SYNJ2: variants seen among roughly 807,000 people sequenced by gnomAD.
SYNJ2 encodes the protein polyphosphatidylinositol phosphatase SYNJ2.
In SYNJ2, 116 loss-of-function variants were observed where a neutral mutation model predicts 141.3. That is an observed-to-expected ratio of 0.82 (90% CI 0.71 to 0.96). The LOEUF (loss-of-function observed/expected upper bound fraction) is 0.96, where lower values mean the gene tolerates loss of function less well. Ranked by LOEUF, SYNJ2 falls within the 40% of genes least tolerant of loss-of-function variation. The pLI, the probability that SYNJ2 is intolerant of heterozygous loss-of-function variation, is 0.00. For synonymous variants in SYNJ2, 745 were observed against 777.7 expected, an observed-to-expected ratio of 0.96 and a Z score of 0.70; for missense variants, 1,873 against 1,934.8, an observed-to-expected ratio of 0.97 and a Z score of 0.60.
chr6:158,083,070 C>T (rs527254760), intron 20 of SYNJ2, among the ~76,000 whole-genome samples: 2 of 148,844 alleles, frequency 1.3e-5, no homozygotes, highest in East Asian at 3.9e-4. Context: ...GTAGCTGGGA[C>T]TACAGGCACT....
At chr6:158,009,862 C>T (rs956167008) in intron 1 of SYNJ2, among the ~76,000 whole-genome samples, 3 of 152,218 alleles carry the variant, frequency 2.0e-5, no homozygotes, top group Non-Finnish European at 2.9e-5. Context: ...ATGACTGGCA[C>T]CTGCAGCAGC....
chr6:158,020,516 C>A (rs1778711610), intron 2 of SYNJ2, among the ~76,000 whole-genome samples: 1 of 151,538 alleles, frequency 6.6e-6, no homozygotes, highest in African/African-American at 2.4e-5. Context: ...CTGTGTGACT[C>A]CAACTGTGTA....
Position 158,064,683 on chromosome 6 carries a change from G to A in SYNJ2, c.1292G>A (p.Trp431Ter). 5.6e-6 allele frequency: 9 copies of A among 1,614,074 alleles called. No individual in the cohort carries two copies. Among genetic ancestry groups the A allele is most frequent in the Non-Finnish European group, 7.6e-6 (9 of 1,180,014 alleles). Residue 431 changes from tryptophan to a stop codon, truncating the protein, a stop_gained, in exon 10 of 27, where the codon TGG becomes TAG. Coordinates refer to ENST00000355585, the MANE Select transcript of SYNJ2 (RefSeq NM_003898.4). LOFTEE classifies it high-confidence loss of function. The part of the protein sequence containing the change: ...DRFVESFKAM[W>*]SLNGHSLSKV... Reference sequence around the variant, plus strand: ...TTTGTGGAGTCCTTCAAAGCCATGTGGTCTCTGAATGGCCACAGCCTGAGC... The same window carrying A: ...TTTGTGGAGTCCTTCAAAGCCATGTAGTCTCTGAATGGCCACAGCCTGAGC...
chr6:158,022,966 C>T (rs1020165258), intron 2 of SYNJ2, among the ~76,000 whole-genome samples: 3 of 152,132 alleles, frequency 2.0e-5, no homozygotes, highest in African/African-American at 7.2e-5. Flanking sequence ...ACCCATAGTA[C>T]AGGCCAGGCA....
intron 2 of SYNJ2, 34 bp from the exon 3 acceptor site, chr6:158,028,722 G>C: frequency 1.2e-6 from 2 of 1,602,510 alleles, no homozygotes; most frequent in African/African-American, 2.7e-5. Context: ...GGCCGACTTC[G>C]ACCCTGAGCT....
chr6:158,018,329 G>A (rs1012722467), intron 2 of SYNJ2, among the ~76,000 whole-genome samples: 3 of 152,218 alleles, frequency 2.0e-5, no homozygotes, highest in Admixed American at 6.5e-5. Context: ...TGACCTGGCT[G>A]TGGACATCTC....
intron 1 of SYNJ2, among the ~76,000 whole-genome samples, chr6:157,995,289 G>A (rs1413313134): frequency 1.3e-5 from 2 of 152,178 alleles, no homozygotes; most frequent in Non-Finnish European, 2.9e-5. Flanking sequence ...TTAAGTTGCT[G>A]AGAGCGTCTC....
chr6:158,051,369 A>C (rs1478027499), intron 5 of SYNJ2, among the ~76,000 whole-genome samples: 1 of 151,684 alleles, frequency 6.6e-6, no homozygotes, highest in Non-Finnish European at 1.5e-5. Context: ...AGACCCGCTG[A>C]CTTCCCTCAG....
intron 20 of SYNJ2, among the ~76,000 whole-genome samples, chr6:158,082,367 A>G: frequency 6.7e-6 from 1 of 149,518 alleles, no homozygotes; most frequent in Non-Finnish European, 1.5e-5. Flanking sequence ...GGTGCCTGTA[A>G]TCCCAGCTAC....
rs778367066 is a variant in SYNJ2 at position 158,017,255 on chromosome 6, CG to C, written c.180del (p.Tyr61ThrfsTer7). ...GGACAGTATGGCAAGCTCACGGACG[CG>C]TACGGCTGCCTGGGGGAGCTGAGGC... Reference protein sequence around the residue: ...IKGQYGKLTDAYGCLGELRLK... With the variant: ...IKGQYGKLTDXYGCLGELRLK... On this transcript the variant is annotated frameshift_variant, in exon 2 of 27. Coordinates refer to ENST00000355585, the MANE Select transcript of SYNJ2 (RefSeq NM_003898.4). LOFTEE classifies it high-confidence loss of function. 8.8e-5 allele frequency: 142 copies of C among 1,613,806 alleles called. No individual in the cohort carries two copies. Among genetic ancestry groups the C allele is most frequent in the Non-Finnish European group, 1.2e-4 (136 of 1,179,950 alleles).
chr6:158,082,667 C>A (rs1782774369), intron 20 of SYNJ2, among the ~76,000 whole-genome samples: 1 of 151,932 alleles, frequency 6.6e-6, no homozygotes, highest in Admixed American at 6.6e-5. Context: ...CTCAAAAAAC[C>A]AAACAAACAG....
chr6:158,007,198 G>A (rs1370918483), intron 1 of SYNJ2, among the ~76,000 whole-genome samples: 3 of 151,522 alleles, frequency 2.0e-5, no homozygotes, highest in Non-Finnish European at 2.9e-5. Context: ...GAACTCCTGA[G>A]CTCAAGTGAT....
At chr6:158,092,530 C>T (rs1783529043) in intron 25 of SYNJ2, among the ~76,000 whole-genome samples, 1 of 152,162 alleles carries the variant, frequency 6.6e-6, no homozygotes, top group African/African-American at 2.4e-5. Context: ...GTCCCAGCTA[C>T]TTGGGAGGCT....
At chr6:158,093,472 C>T (rs1357999984) in intron 26 of SYNJ2, among the ~76,000 whole-genome samples, 7 of 151,398 alleles carry the variant, frequency 4.6e-5, no homozygotes, top group Non-Finnish European at 8.8e-5. Flanking sequence ...AACAGATTTG[C>T]GTCTCACAGA....
intron 14 of SYNJ2, 125 bp downstream of exon 14, chr6:158,069,798 T>C: frequency 1.7e-6 from 2 of 1,204,326 alleles, no homozygotes; most frequent in Non-Finnish European, 2.2e-6. Flanking sequence ...ACCATTATTT[T>C]AGATAAATGT....
intron 6 of SYNJ2, among the ~76,000 whole-genome samples, chr6:158,056,523 GCT>G (rs1264724749): frequency 6.6e-6 from 1 of 152,192 alleles, no homozygotes; most frequent in Non-Finnish European, 1.5e-5. Flanking sequence ...AGGTGCTGCT[GCT>G]CTCATGTTCA....
intron 12 of SYNJ2, 42 bp downstream of exon 12, chr6:158,066,677 C>G (rs1239353154): frequency 8.7e-6 from 14 of 1,602,122 alleles, no homozygotes; most frequent in Non-Finnish European, 1.2e-5. Flanking sequence ...CCAATTGCAC[C>G]TAACCTGACA....
chr6:158,071,632 C>A lies in SYNJ2; in HGVS notation c.1971C>A (p.Gly657=). Residue 657 remains glycine, a synonymous_variant, in exon 15 of 27, where the codon GGC becomes GGA. Coordinates refer to ENST00000355585, the MANE Select transcript of SYNJ2 (RefSeq NM_003898.4). The surrounding 1 kb of genome is among the most constrained non-coding windows in gnomAD (Gnocchi z 4.3). ...TAGCCATCGACACAGTGAAGACGGG[C>A]ATGGGGGGCAAGGCGGGGAACAAGG... ...RDVAIDTVKT[G]MGGKAGNKGA... 8 of 1,614,058 alleles carry A rather than the reference C, an allele frequency of 5.0e-6. No individual in the cohort carries two copies. Among genetic ancestry groups the A allele is most frequent in the Non-Finnish European group, 6.8e-6 (8 of 1,180,006 alleles).
chr6:158,016,555 G>A (rs923337469), intron 1 of SYNJ2, among the ~76,000 whole-genome samples: 13 of 152,096 alleles, frequency 8.5e-5, no homozygotes, highest in Non-Finnish European at 1.5e-5. Context: ...GGCCTGCCCC[G>A]TCGTCACCAG....
Sources: gnomAD v4.1 joint callset for allele counts (sites outside exome capture counted in the v4.1 genomes callset) on GRCh38, gnomAD v4.1.1 for gene constraint, Gnocchi (gnomAD v3.1) non-coding constraint, MANE v1.5 for transcripts, NCBI Gene and HGNC (gene_info 2026-07-23, HGNC 2026-07-21) for gene names.